SPRY1: variants seen among roughly 807,000 people sequenced by gnomAD.
SPRY1 encodes sprouty RTK signaling antagonist 1, also known as protein sprouty homolog 1.
A neutral mutation model predicts 22.6 loss-of-function variants in SPRY1; 20 were observed. That is an observed-to-expected ratio of 0.89 (90% CI 0.62 to 1.29). The LOEUF is 1.29. Ranked by LOEUF, SPRY1 falls within the 50% of genes most tolerant of loss-of-function variation. SPRY1 has a pLI of 0.00. For synonymous variants in SPRY1, 155 were observed against 144.7 expected, an observed-to-expected ratio of 1.07 and a Z score of -0.51; for missense variants, 446 against 387.7, an observed-to-expected ratio of 1.15 and a Z score of -1.26.
chr4:123,399,420 C>T (rs1020902628), intron 2 of SPRY1: 1 of 152,244 alleles, frequency 6.6e-6, no homozygotes, highest in Non-Finnish European at 1.5e-5. Context: ...CTCATGGTAA[C>T]CTCAGCCTCC....
chr4:123,399,240 G>A (rs745566327), intron 2 of SPRY1, among the ~76,000 whole-genome samples: 1 of 152,210 alleles, frequency 6.6e-6, no homozygotes, highest in African/African-American at 2.4e-5. Context: ...GCCGGCCGTG[G>A]TGACGCGCGA....
At position 123,401,851 on chromosome 4, in the gene SPRY1, A is replaced by G; in HGVS notation, c.260A>G (p.Asn87Ser). 1 of 1,614,230 alleles carries G rather than the reference A, an allele frequency of 6.2e-7. No individual in the cohort carries two copies. Among genetic ancestry groups the G allele is most frequent in the Non-Finnish European group, 8.5e-7 (1 of 1,180,032 alleles). ...THEIIPINVNNNYEHRHTSHL... is the reference protein window; with the variant it reads ...THEIIPINVNSNYEHRHTSHL... ...GAAATCATACCAATTAATGTGAATA[A>G]TAACTACGAGCACAGACACACAAGC... is the stretch of plus-strand genomic sequence containing the variant. Residue 87 changes from asparagine (N) to serine (S), a missense_variant, in exon 3 of 3, where the codon AAT becomes AGT. Asn to Ser is a conservative substitution (Grantham distance 46). Transcript: ENST00000651917.
At chr4:123,398,727 G>A (rs929371990) in intron 2 of SPRY1, among the ~76,000 whole-genome samples, 2 of 152,170 alleles carry the variant, frequency 1.3e-5, no homozygotes, top group African/African-American at 4.8e-5. Flanking sequence ...AGGTTGGGTG[G>A]CGGGGTGGGC....
At position 123,402,643 on chromosome 4, in the gene SPRY1, T is replaced by G; in HGVS notation, c.*92T>G. The G allele has an allele frequency of 6.8e-7, 1 of 1,472,378 alleles. No individual in the cohort carries two copies. Among genetic ancestry groups the G allele is most frequent in the Non-Finnish European group, 9.1e-7 (1 of 1,098,466 alleles). 91.2% of individuals were successfully genotyped at this position (1,472,378 alleles called of 1,614,324 possible). A position where few individuals can be genotyped will look rare whatever the true frequency, so the allele number is the denominator to read the frequency against. ...TTTTGTTTTTGTTTTCTTTAGAATT[T>G]TTCCCTGTTTCCCACCTTCTCTTCC... On this transcript the variant is annotated 3_prime_UTR_variant, in exon 3 of 3. Coordinates refer to ENST00000651917, the MANE Select transcript of SPRY1 (RefSeq NM_001258038.2).
intron 2 of SPRY1, among the ~76,000 whole-genome samples, chr4:123,400,555 T>TG (rs1434875351): frequency 6.6e-6 from 1 of 152,224 alleles, no homozygotes; most frequent in Non-Finnish European, 1.5e-5. Flanking sequence ...ACTATTAGTA[T>TG]GGAAACACAA....
At chr4:123,399,197 G>A (rs1430907615) in intron 2 of SPRY1, among the ~76,000 whole-genome samples, 1 of 152,084 alleles carries the variant, frequency 6.6e-6, no homozygotes, top group East Asian at 1.9e-4. Context: ...ACCAACTGAT[G>A]AAACCCCGTC....
At chr4:123,398,711 G>T (rs1258142551) in intron 2 of SPRY1, among the ~76,000 whole-genome samples, 3 of 152,134 alleles carry the variant, frequency 2.0e-5, no homozygotes, top group Non-Finnish European at 4.4e-5. Flanking sequence ...GGCTTCTGGG[G>T]GCTCAAGGTT....
At chr4:123,399,644 C>G (rs1320976203) in intron 2 of SPRY1, 1 of 152,238 alleles carries the variant, frequency 6.6e-6, no homozygotes, top group Non-Finnish European at 1.5e-5. Flanking sequence ...CAAATCCTTG[C>G]TTAGGGTCAG....
chr4:123,401,431 T>C (rs886111286), intron 2 of SPRY1, 106 bp from the exon 3 acceptor site: 57 of 959,402 alleles, frequency 5.9e-5, no homozygotes, highest in Non-Finnish European at 8.5e-5. Flanking sequence ...AGGAGGTCAT[T>C]ACTAGGCGGT....
rs1724969538 is a variant in SPRY1 at position 123,397,742 on chromosome 4, GC to G, written c.-169del. On this transcript the variant is annotated 5_prime_UTR_variant, in exon 2 of 3. Coordinates refer to ENST00000651917, the MANE Select transcript of SPRY1 (RefSeq NM_001258038.2). ...GCCCAACGTGCGGAATCGGCTAAGC[GC>G]GTCGGCCTGCGCGGGGCACAAGGGA... is the stretch of plus-strand genomic sequence containing the variant. 6.6e-6 allele frequency: 1 copy of G among 151,556 alleles called. No individual in the cohort carries two copies. The highest frequency in any genetic ancestry group is 1.5e-5 in the Non-Finnish European group (1 of 67,956). 9.4% of individuals were successfully genotyped at this position (151,556 alleles called of 1,614,324 possible).
chr4:123,402,192 T>C lies in SPRY1; in HGVS notation c.601T>C (p.Cys201Arg). 1 of 1,614,226 alleles carries C rather than the reference T, an allele frequency of 6.2e-7. No individual in the cohort carries two copies. Among genetic ancestry groups the C allele is most frequent in the South Asian group, 1.1e-5 (1 of 91,088 alleles). The change falls in exon 3 of 3, where the codon TGT (cysteine) becomes CGT (arginine). Residue 201 changes from cysteine (C) to arginine (R), a missense_variant. Coordinates refer to ENST00000651917, the MANE Select transcript of SPRY1 (RefSeq NM_001258038.2). ...ECTAPRTLPS[C>R]LACNRQCLCS... ...CACTGCTCCCAGGACCCTACCATCC[T>C]GTTTGGCCTGTAACCGGCAGTGCCT...
Position 123,402,363 on chromosome 4 carries a change from C to A in SPRY1, c.772C>A (p.Leu258Met). The A allele has an allele frequency of 6.2e-7, 1 of 1,614,170 alleles. No individual in the cohort carries two copies. The highest frequency in any genetic ancestry group is 2.2e-5 in the East Asian group (1 of 44,892). Residue 258 changes from leucine (L) to methionine (M), a missense_variant, in exon 3 of 3, where the codon CTG (leucine) becomes ATG (methionine). Coordinates refer to ENST00000651917, the MANE Select transcript of SPRY1 (RefSeq NM_001258038.2). ...CSQSHCCSRY[L>M]CMGAMSLFLP... ...ACAATCACACTGCTGCTCTAGATAC[C>A]TGTGTATGGGAGCCATGTCTTTATT...
intron 2 of SPRY1, 70 bp from the exon 3 acceptor site, chr4:123,401,467 T>C (rs1299711524): frequency 4.8e-6 from 6 of 1,260,294 alleles, no homozygotes; most frequent in Non-Finnish European, 6.5e-6. Flanking sequence ...TTTGACAGGA[T>C]TCCCCCCCCC....
chr4:123,400,187 C>G (rs1054643472), intron 2 of SPRY1: 5 of 152,074 alleles, frequency 3.3e-5, no homozygotes, highest in South Asian at 4.2e-4. Flanking sequence ...TAAATCCCCG[C>G]AGGTTATGAA....
chr4:123,398,175 C>G (rs2126194579), intron 2 of SPRY1: 1 of 152,492 alleles, frequency 6.6e-6, no homozygotes, highest in South Asian at 2.1e-4. Flanking sequence ...GGAAGCCTTC[C>G]TGAAAGGATT....
At chr4:123,400,079 T>C (rs773736044) in intron 2 of SPRY1, 1 of 152,212 alleles carries the variant, frequency 6.6e-6, no homozygotes, top group African/African-American at 2.4e-5. Flanking sequence ...CTTAGTACTT[T>C]TAGCTACCTT....
Position 123,402,412 on chromosome 4 carries a change from C to G in SPRY1, c.821C>G (p.Pro274Arg), listed in dbSNP as rs760299005. ...SLFLPCLLCY[P>R]PAKGCLKLCR... ...TTTTTACCTTGCTTACTCTGTTATC[C>G]TCCTGCTAAAGGATGCCTGAAGCTG... The change falls in exon 3 of 3, where the codon CCT (proline) becomes CGT (arginine). Residue 274 changes from proline to arginine, a missense_variant. Coordinates refer to ENST00000651917, the MANE Select transcript of SPRY1 (RefSeq NM_001258038.2). The G allele has an allele frequency of 6.2e-7, 1 of 1,614,158 alleles. No individual in the cohort carries two copies. Among genetic ancestry groups the G allele is most frequent in the South Asian group, 1.1e-5 (1 of 91,082 alleles).
At position 123,401,621 on chromosome 4, in the gene SPRY1, C is replaced by T. The variant is rs1725156928; in HGVS notation, c.30C>T (p.Gly10=). The T allele has an allele frequency of 6.2e-7, 1 of 1,613,994 alleles. No homozygotes were observed. Among genetic ancestry groups the T allele is most frequent in the Non-Finnish European group, 8.5e-7 (1 of 1,180,022 alleles). Residue 10 remains glycine (G), a synonymous_variant, in exon 3 of 3, where the codon GGC becomes GGT. Transcript: ENST00000651917. MDPQNQHGS[G]SSLVVIQQPS... Reference sequence around the variant, plus strand: ...ATCCCCAAAATCAACATGGCAGTGGCAGTTCGTTAGTTGTGATCCAGCAGC... The same window carrying T: ...ATCCCCAAAATCAACATGGCAGTGGTAGTTCGTTAGTTGTGATCCAGCAGC...
intron 2 of SPRY1, chr4:123,400,083 C>T (rs991359030): frequency 2.0e-5 from 3 of 152,156 alleles, no homozygotes; most frequent in East Asian, 3.8e-4. Flanking sequence ...GTACTTTTAG[C>T]TACCTTTTGC....
Sources: gnomAD v4.1 joint callset for allele counts (sites outside exome capture counted in the v4.1 genomes callset) on GRCh38, gnomAD v4.1.1 for gene constraint, MANE v1.5 for transcripts, NCBI Gene and HGNC (gene_info 2026-07-23, HGNC 2026-07-21) for gene names.